The following IQCE variants were observed in gnomAD, a reference collection of about 807,000 sequenced individuals.
IQCE encodes the protein IQ domain-containing protein E.
A neutral mutation model predicts 96.0 loss-of-function variants in IQCE; 115 were observed. That is an observed-to-expected ratio of 1.20 (90% CI 1.03 to 1.40). The LOEUF is 1.40. Among genes scored for constraint, IQCE ranks in the 40% most tolerant of loss-of-function variants. IQCE has a pLI of 0.00. For synonymous variants in IQCE, 412 were observed against 371.2 expected (o/e 1.11, Z -1.26); for missense variants, 1,041 against 909.1 (o/e 1.15, Z -1.87).
rs1783247906 is a variant in IQCE, at chr7:2,587,892, C to T, written c.1044+15C>T. On this transcript the variant is annotated intron_variant, in intron 13 of 21. Transcript: ENST00000402050. ...AGCTGGAGAAGGTGAGCGGGCGTCT[C>T]AGTGCCACTGTCGTTGGGGACCAGG... The T allele has an allele frequency of 1.2e-6, 2 of 1,613,320 alleles. No individual in the cohort carries two copies. Among genetic ancestry groups the T allele is most frequent in the Admixed American group, 1.7e-5 (1 of 60,000 alleles).
rs1176583772 is a variant in IQCE at position 2,607,264 on chromosome 7, C to G, written c.1969+37C>G. 3 of 1,613,204 alleles carry G rather than the reference C, an allele frequency of 1.9e-6. No individual in the cohort carries two copies. The East Asian group carries it at 6.7e-5, about 36-fold the overall frequency. On this transcript the variant is annotated intron_variant, in intron 21 of 21. Transcript: ENST00000402050. The stretch of plus-strand genomic sequence containing the variant: ...CATTTGGATTCTGGCACCAGGGCAG[C>G]TGGTCTGCTGAGGTCTCAGCCAAAG...
At chr7:2,583,795 C>T (rs1361898144) in intron 10 of IQCE, 86 bp downstream of exon 10, 2 of 84,252 alleles carry the variant, frequency 2.4e-5, no homozygotes, top group Non-Finnish European at 4.7e-5. Context: ...GGCGGCGGGG[C>T]GGAGGGCGGG....
Position 2,572,300 on chromosome 7 carries a change from C to T in IQCE, c.368C>T (p.Pro123Leu). ...CLTDTFRVKR[P>L]HLRRSASNGH... ...ACAGACACCTTCAGAGTGAAGAGGC[C>T]ACATCTCAGGCGCTCTGCCAGCAAC... The change falls in exon 5 of 22, where the codon CCA becomes CTA. Residue 123 changes from proline to leucine, a missense_variant. Transcript: ENST00000402050. 1 of 1,614,164 alleles carries T rather than the reference C, an allele frequency of 6.2e-7. No individual in the cohort carries two copies. The highest frequency in any genetic ancestry group is 1.1e-5 in the South Asian group (1 of 91,092).
At chr7:2,575,244 G>A (rs1229501243) in intron 6 of IQCE, among the ~76,000 whole-genome samples, 1 of 152,234 alleles carries the variant, frequency 6.6e-6, no homozygotes, top group African/African-American at 2.4e-5. Context: ...AGGTCAAGGG[G>A]GTACCACCTC....
Position 2,567,178 on chromosome 7 carries a change from G to A in IQCE, c.84+15G>A. The A allele has an allele frequency of 6.2e-7, 1 of 1,611,478 alleles. No homozygotes were observed. The highest frequency in any genetic ancestry group is 8.5e-7 in the Non-Finnish European group (1 of 1,178,304). On this transcript the variant is annotated intron_variant, in intron 2 of 21. Coordinates refer to ENST00000402050, the MANE Select transcript of IQCE (RefSeq NM_152558.5). ...ATGTGGAGACGGTGAGTGCCGCTGG[G>A]TGTCAGCCGTGCGACCTCGGGCTGG...
At chr7:2,567,706 A>G (rs1781481929) in intron 2 of IQCE, among the ~76,000 whole-genome samples, 1 of 152,232 alleles carries the variant, frequency 6.6e-6, no homozygotes, top group African/African-American at 2.4e-5. Context: ...TGTATGAGCG[A>G]AAAAAGCTTT....
intron 14 of IQCE, among the ~76,000 whole-genome samples, chr7:2,592,167 G>A (rs1444812782): frequency 6.6e-6 from 1 of 152,232 alleles, no homozygotes; most frequent in Non-Finnish European, 1.5e-5. Flanking sequence ...TCTGCTGCCT[G>A]CTGTGAACAG....
At chr7:2,601,007 G>A (rs1784395791) in intron 17 of IQCE, among the ~76,000 whole-genome samples, 3 of 152,154 alleles carry the variant, frequency 2.0e-5, no homozygotes, top group South Asian at 2.1e-4. Flanking sequence ...CCTTCATAAC[G>A]TCCCCAGCAG....
intron 17 of IQCE, chr7:2,598,835 G>A (rs1784245300): frequency 2.4e-6 from 1 of 410,430 alleles, no homozygotes; most frequent in Non-Finnish European, 4.3e-6. Flanking sequence ...TGGATAACTC[G>A]CCAGATTTCT....
At chr7:2,576,030 T>A (rs555010990) in intron 6 of IQCE, among the ~76,000 whole-genome samples, 8 of 152,364 alleles carry the variant, frequency 5.3e-5, no homozygotes, top group African/African-American at 1.9e-4. Context: ...GGGCCTTCGC[T>A]AATTTACTTC....
At chr7:2,595,944 C>T (rs1282539688) in intron 16 of IQCE, among the ~76,000 whole-genome samples, 8 of 148,376 alleles carry the variant, frequency 5.4e-5, no homozygotes, top group African/African-American at 1.5e-4. Context: ...GCCGGCGCTG[C>T]CTGCACTTGC....
Position 2,594,933 on chromosome 7 carries a change from T to C in IQCE, c.1397T>C (p.Met466Thr). The change falls in exon 16 of 22, where the codon ATG (methionine) becomes ACG (threonine). Residue 466 changes from methionine to threonine, a missense_variant. Coordinates refer to ENST00000402050, the MANE Select transcript of IQCE (RefSeq NM_152558.5). Reference protein sequence around the residue: ...LTSKLQELQEMKKEEKEDCPE... With the variant: ...LTSKLQELQETKKEEKEDCPE... ...AGCAAGCTCCAAGAATTGCAAGAAA[T>C]GAAGAAAGAAGAGAAAGAGGATTGC... The C allele has an allele frequency of 1.2e-6, 2 of 1,613,758 alleles. No individual in the cohort carries two copies. Among genetic ancestry groups the C allele is most frequent in the Non-Finnish European group, 1.7e-6 (2 of 1,179,806 alleles).
At chr7:2,600,317 C>T (rs368082719) in intron 17 of IQCE, among the ~76,000 whole-genome samples, 5 of 152,200 alleles carry the variant, frequency 3.3e-5, no homozygotes, top group East Asian at 3.8e-4. Flanking sequence ...CCCCTCGGGA[C>T]GTGGATGGAC....
chr7:2,589,776 G>A (rs2128458199), intron 13 of IQCE, 131 bp from the exon 14 acceptor site: 3 of 792,186 alleles, frequency 3.8e-6, no homozygotes, highest in Non-Finnish European at 6.2e-6. Context: ...GGTAACTCGG[G>A]TCCCCTCAAA....
rs1783364182 is a variant in IQCE at position 2,589,002 on chromosome 7, GTGT to G, written c.1045-900_1045-898del. Among the ~76,000 whole-genome samples, 3 of 152,114 alleles carry G rather than the reference GTGT, an allele frequency of 2.0e-5. No homozygotes were observed. The South Asian group carries it at 6.2e-4, about 32-fold the overall frequency. The stretch of plus-strand genomic sequence containing the variant: ...TTTTAAATAGTAAATTAGAGCATCT[GTGT>G]TGTTTGGCCAAGCAAAATAAACCTA... On this transcript the variant is annotated intron_variant, in intron 13 of 21. Transcript: ENST00000402050.
intron 1 of IQCE, among the ~76,000 whole-genome samples, chr7:2,566,172 C>T (rs775915822): frequency 2.7e-4 from 41 of 152,118 alleles, no homozygotes; most frequent in African/African-American, 5.8e-4. Context: ...TTCCAGTGTC[C>T]GCATTGGAAA....
intron 13 of IQCE, among the ~76,000 whole-genome samples, chr7:2,588,276 A>T (rs538466442): frequency 6.6e-6 from 1 of 152,212 alleles, no homozygotes; most frequent in Non-Finnish European, 1.5e-5. Flanking sequence ...ACATTTCCCC[A>T]CATCCCCTAT....
chr7:2,607,603 C>T (rs1784928550), intron 21 of IQCE: 16 of 1,155,720 alleles, frequency 1.4e-5, no homozygotes, highest in Non-Finnish European at 1.6e-5. Context: ...GAAGAAGCCG[C>T]TGGCACTGCA....
chr7:2,595,457 A>C (rs777234439), intron 16 of IQCE, among the ~76,000 whole-genome samples: 1 of 152,124 alleles, frequency 6.6e-6, no homozygotes. Flanking sequence ...TCAGCTGTGC[A>C]CGGGTTGAAC....
Sources: allele counts gnomAD v4.1 joint callset (sites outside exome capture counted in the v4.1 genomes callset), GRCh38; gene constraint gnomAD v4.1.1; transcripts MANE v1.5; gene names NCBI Gene and HGNC (gene_info 2026-07-23, HGNC 2026-07-21).